The following PPP1R9B variants were observed in gnomAD, a reference collection of about 807,000 sequenced individuals.
PPP1R9B encodes protein phosphatase 1 regulatory subunit 9B, also known as neurabin-2.
In PPP1R9B, 17 loss-of-function variants were observed where a neutral mutation model predicts 75.8. The ratio of observed to expected loss-of-function variants is 0.22; its 90% CI spans 0.15 to 0.34. The LOEUF (loss-of-function observed/expected upper bound fraction) is 0.34, where lower values mean the gene tolerates loss of function less well. Ranked by LOEUF, PPP1R9B falls within the 10% of genes least tolerant of loss-of-function variation. PPP1R9B has a pLI of 1.00. For missense variants in PPP1R9B, 875 were observed against 1,196.0 expected (o/e 0.73, Z 3.96); for synonymous variants, 509 against 535.4 (o/e 0.95, Z 0.68).
rs746746917 is a variant in PPP1R9B at position 50,135,619 on chromosome 17, T to C, written c.2334A>G (p.Ala778=). ...CCGACTCCTCCAGAACCCGACGCTG[T>C]GCAGTCTCCTTTTTCAGGAACTCGA... ...KEIEFLKKET[A]QRRVLEESEL... Residue 778 remains alanine, a synonymous_variant, in exon 9 of 10, where the codon GCA becomes GCG. Transcript: ENST00000612501. 10 of 1,610,344 alleles carry C rather than the reference T, an allele frequency of 6.2e-6. No individual in the cohort carries two copies. The Admixed American group carries it at 8.4e-5, about 14-fold the overall frequency.
chr17:50,147,573 G>T (rs1912547715), intron 1 of PPP1R9B, among the ~76,000 whole-genome samples: 1 of 152,026 alleles, frequency 6.6e-6, no homozygotes, highest in Non-Finnish European at 1.5e-5. Context: ...AAAAATCAGG[G>T]TAAGGCGTCA....
Position 50,144,468 on chromosome 17 carries a change from G to C in PPP1R9B, c.1504+645C>G, listed in dbSNP as rs147635397. On this transcript the variant is annotated intron_variant, in intron 2 of 9. Transcript: ENST00000612501. The stretch of plus-strand genomic sequence containing the variant: ...ATCACAGCCTGGTGTGGTCTTTCTA[G>C]ACCTTTCCTGTGCTTCGAAATGGCT... Among the ~76,000 whole-genome samples, 105 of 152,270 alleles carry C rather than the reference G, an allele frequency of 6.9e-4. 1 individual carries two copies. The highest frequency in any genetic ancestry group is 2.5e-3 in the African/African-American group (103 of 41,534).
chr17:50,149,951 C>G lies in PPP1R9B; in HGVS notation c.563G>C (p.Arg188Pro), dbSNP rs757823729. 2.6e-6 allele frequency: 4 copies of G among 1,514,542 alleles called. No individual in the cohort carries two copies. The African/African-American group carries it at 4.3e-5, about 16-fold the overall frequency. The allele number at this position is 1,514,542 out of a possible 1,614,324, so 93.8% of individuals were successfully genotyped here. A position where few individuals can be genotyped will look rare whatever the true frequency, so the allele number is the denominator to read the frequency against. Residue 188 changes from arginine (R) to proline (P), a missense_variant, in exon 1 of 10, where the codon CGC becomes CCC. Arg to Pro is a moderately radical substitution (Grantham distance 103). This residue lies in a region of PPP1R9B where 449 missense variants were observed against 475.0 expected (regional missense o/e 0.95). Transcript: ENST00000612501. The surrounding 1 kb of genome is among the most constrained non-coding windows in gnomAD (Gnocchi z 7.2). ...LQDRKLDVVVRFNGSTEALDK... is the reference protein window; with the variant it reads ...LQDRKLDVVVPFNGSTEALDK... ...CAGCGCCTCGGTGCTGCCGTTGAAG[C>G]GCACCACGACGTCCAGCTTCCGGTC...
rs1210750776 is a variant in PPP1R9B at position 50,149,210 on chromosome 17, G to A, written c.1304C>T (p.Pro435Leu). The change falls in exon 1 of 10, where the codon CCG becomes CTG. Residue 435 changes from proline to leucine, a missense_variant. Pro to Leu is a moderately conservative substitution (Grantham distance 98). Coordinates refer to ENST00000612501, the MANE Select transcript of PPP1R9B (RefSeq NM_032595.5). This position sits in a 1 kb window ranked among gnomAD's most constrained non-coding sequence, Gnocchi z 7.2. ...TGGGTCCTCCTCCTCCGACAGCCCC[G>A]GGATCTCCACGCACCCCGACTCGGG... ...YEPESGCVEIPGLSEEEDPAP... is the reference protein window; with the variant it reads ...YEPESGCVEILGLSEEEDPAP... The A allele has an allele frequency of 6.2e-7, 1 of 1,603,374 alleles. No homozygotes were observed. Among genetic ancestry groups the A allele is most frequent in the East Asian group, 2.3e-5 (1 of 44,232 alleles).
chr17:50,141,868 C>G (rs866732420), intron 3 of PPP1R9B, among the ~76,000 whole-genome samples: 1 of 152,134 alleles, frequency 6.6e-6, no homozygotes, highest in Non-Finnish European at 1.5e-5. Flanking sequence ...CCAGGAGACG[C>G]GGCAGGCACA....
chr17:50,149,044 G>A lies in PPP1R9B; in HGVS notation c.1371+99C>T. Reference sequence around the variant, plus strand: ...GGAAGGGGGCTGGGTGGCAGGGGCTGACTCAGCCTGCCAAACCCGGCTGGC... The same window carrying A: ...GGAAGGGGGCTGGGTGGCAGGGGCTAACTCAGCCTGCCAAACCCGGCTGGC... On this transcript the variant is annotated intron_variant, in intron 1 of 9. Coordinates refer to ENST00000612501, the MANE Select transcript of PPP1R9B (RefSeq NM_032595.5). This position sits in a 1 kb window ranked among gnomAD's most constrained non-coding sequence, Gnocchi z 7.2. 1 of 880,432 alleles carries A rather than the reference G, an allele frequency of 1.1e-6. No homozygotes were observed. The highest frequency in any genetic ancestry group is 1.6e-6 in the Non-Finnish European group (1 of 623,118). The allele number at this position is 880,432 out of a possible 1,614,324, so 54.5% of individuals were successfully genotyped here.
chr17:50,150,461 G>A lies in PPP1R9B; in HGVS notation c.53C>T (p.Pro18Leu). ...GCCCGCCTCGTAGGCGCTGCGGTGC[G>A]GGGAGGCGCTCCGGAGGGGACCCCC... ...GPGGPLRSASPHRSAYEAGIQ... is the reference protein window; with the variant it reads ...GPGGPLRSASLHRSAYEAGIQ... The change falls in exon 1 of 10, where the codon CCG becomes CTG. Residue 18 changes from proline to leucine, a missense_variant. This residue lies in a region of PPP1R9B where 145 missense variants were observed against 226.1 expected (regional missense o/e 0.64). Transcript: ENST00000612501. The surrounding 1 kb of genome is among the most constrained non-coding windows in gnomAD (Gnocchi z 8.7). The A allele has an allele frequency of 7.2e-7, 1 of 1,388,002 alleles. No individual in the cohort carries two copies. Among genetic ancestry groups the A allele is most frequent in the South Asian group, 1.6e-5 (1 of 62,606 alleles). The allele number at this position is 1,388,002 out of a possible 1,614,324, so 86.0% of individuals were successfully genotyped here.
At chr17:50,144,810 G>A (rs1288011721) in intron 2 of PPP1R9B, among the ~76,000 whole-genome samples, 2 of 152,152 alleles carry the variant, frequency 1.3e-5, no homozygotes. Context: ...GCCCACCACT[G>A]TGTCCCCAAC....
In PPP1R9B at chr17:50,139,368, G is replaced by C; in HGVS notation, c.2020-52C>G. ...GCTCCAGCAGGGTGGGGCAGGCAGT[G>C]CCAAGGGCAGGAGACCTGCCTGCCT... On this transcript the variant is annotated intron_variant, in intron 6 of 9. Transcript: ENST00000612501. The surrounding 1 kb of genome is among the most constrained non-coding windows in gnomAD (Gnocchi z 5.0). 6.2e-7 allele frequency: 1 copy of C among 1,613,676 alleles called. No homozygotes were observed. The highest frequency in any genetic ancestry group is 8.5e-7 in the Non-Finnish European group (1 of 1,179,808).
At chr17:50,148,060 G>C (rs1020852055) in intron 1 of PPP1R9B, among the ~76,000 whole-genome samples, 2 of 152,138 alleles carry the variant, frequency 1.3e-5, no homozygotes, top group Non-Finnish European at 2.9e-5. Flanking sequence ...GCCTGGGGCG[G>C]TGAGGAAGAA....
rs60714202 is a variant in PPP1R9B, at chr17:50,143,279, C to T, written c.1625+319G>A. Reference sequence around the variant, plus strand: ...AAAAAAGCTCAAATATACTCCATGCCTGTCTTCTCCCTACCAGGGCCCAAA... The same window carrying T: ...AAAAAAGCTCAAATATACTCCATGCTTGTCTTCTCCCTACCAGGGCCCAAA... On this transcript the variant is annotated intron_variant, in intron 3 of 9. Transcript: ENST00000612501. Among the ~76,000 whole-genome samples, 158 of 152,282 alleles carry T rather than the reference C, an allele frequency of 1.0e-3. 1 individual carries two copies. Among genetic ancestry groups the T allele is most frequent in the African/African-American group, 3.7e-3 (152 of 41,558 alleles).
At position 50,149,062 on chromosome 17, in the gene PPP1R9B, C is replaced by T. The variant is rs1446074716; in HGVS notation, c.1371+81G>A. The stretch of plus-strand genomic sequence containing the variant: ...AGGGGCTGACTCAGCCTGCCAAACC[C>T]GGCTGGCTGGCTGGCGAGCGGGGGC... On this transcript the variant is annotated intron_variant, in intron 1 of 9. Transcript: ENST00000612501. The surrounding 1 kb of genome is among the most constrained non-coding windows in gnomAD (Gnocchi z 7.2). 1.9e-6 allele frequency: 2 copies of T among 1,042,964 alleles called. No homozygotes were observed. Among genetic ancestry groups the T allele is most frequent in the African/African-American group, 2.6e-5 (1 of 38,980 alleles). 64.6% of individuals were successfully genotyped at this position (1,042,964 alleles called of 1,614,324 possible).
At chr17:50,146,314 C>T (rs1365101133) in intron 1 of PPP1R9B, 7 of 152,126 alleles carry the variant, frequency 4.6e-5, no homozygotes, top group African/African-American at 1.7e-4. Context: ...CAAGCTTCAT[C>T]GCCTGCAGTG....
At chr17:50,145,334 C>A in intron 1 of PPP1R9B, 89 bp from the exon 2 acceptor site, 3 of 1,510,570 alleles carry the variant, frequency 2.0e-6, no homozygotes, top group Non-Finnish European at 1.8e-6. Context: ...GCTGAGTTAC[C>A]CACCCCATGC....
At chr17:50,144,982 G>T in intron 2 of PPP1R9B, 131 bp downstream of exon 2, 1 of 1,171,310 alleles carries the variant, frequency 8.5e-7, no homozygotes, top group Non-Finnish European at 1.2e-6. Flanking sequence ...GTCACCAAGG[G>T]CCTGAGTCAG....
At position 50,149,088 on chromosome 17, in the gene PPP1R9B, G is replaced by C; in HGVS notation, c.1371+55C>G. ...GGCTGGCTGGCTGGCGAGCGGGGGC[G>C]GCCGCGTGCACGTGGCAGGGGCGGC... On this transcript the variant is annotated intron_variant, in intron 1 of 9. Transcript: ENST00000612501. This position sits in a 1 kb window ranked among gnomAD's most constrained non-coding sequence, Gnocchi z 7.2. The C allele has an allele frequency of 7.8e-7, 1 of 1,275,282 alleles. No individual in the cohort carries two copies. Among genetic ancestry groups the C allele is most frequent in the Non-Finnish European group, 1.0e-6 (1 of 979,754 alleles). The allele number at this position is 1,275,282 out of a possible 1,614,324, so 79.0% of individuals were successfully genotyped here.
chr17:50,144,203 T>A (rs1289284725), intron 2 of PPP1R9B, among the ~76,000 whole-genome samples: 7 of 152,068 alleles, frequency 4.6e-5, no homozygotes, highest in Non-Finnish European at 1.0e-4. Flanking sequence ...ATGTCCCAAC[T>A]AATGACCTTC....
chr17:50,150,565 C>A lies in PPP1R9B; in HGVS notation c.-52G>T, dbSNP rs1912670698. On this transcript the variant is annotated 5_prime_UTR_variant, in exon 1 of 10. Transcript: ENST00000612501. This position sits in a 1 kb window ranked among gnomAD's most constrained non-coding sequence, Gnocchi z 8.7. ...CCTGCTCCCCGCTCCCCCGCTTCAACAGGCGGCTGGCCAAGTCGGGACCAC... is the reference window on the plus strand; with the variant it reads ...CCTGCTCCCCGCTCCCCCGCTTCAAAAGGCGGCTGGCCAAGTCGGGACCAC... 8.7e-6 allele frequency: 11 copies of A among 1,260,330 alleles called. No individual in the cohort carries two copies. The highest frequency in any genetic ancestry group is 1.1e-5 in the Non-Finnish European group (11 of 1,002,786). The allele number at this position is 1,260,330 out of a possible 1,614,324, so 78.1% of individuals were successfully genotyped here.
rs761525028 is a variant in PPP1R9B, at chr17:50,150,304, G to T, written c.210C>A (p.Pro70=). The change falls in exon 1 of 10, where the codon CCC becomes CCA. Residue 70 remains proline, a synonymous_variant. Coordinates refer to ENST00000612501, the MANE Select transcript of PPP1R9B (RefSeq NM_032595.5). This position sits in a 1 kb window ranked among gnomAD's most constrained non-coding sequence, Gnocchi z 8.7. ...MFLQMGTTAG[P]SGEAGGGAGL... ...CCGCGCCGCCGCCCGCCTCGCCCGAGGGCCCCGCCGTCGTGCCCATCTGCA... is the reference window on the plus strand; with the variant it reads ...CCGCGCCGCCGCCCGCCTCGCCCGATGGCCCCGCCGTCGTGCCCATCTGCA... 1.4e-6 allele frequency: 2 copies of T among 1,429,500 alleles called. No individual in the cohort carries two copies. Among genetic ancestry groups the T allele is most frequent in the South Asian group, 2.8e-5 (2 of 70,182 alleles). The allele number at this position is 1,429,500 out of a possible 1,614,324, so 88.6% of individuals were successfully genotyped here. A position where few individuals can be genotyped will look rare whatever the true frequency, so the allele number is the denominator to read the frequency against.
Sources: allele counts gnomAD v4.1 joint callset (sites outside exome capture counted in the v4.1 genomes callset), GRCh38; gene constraint gnomAD v4.1.1; regional missense constraint gnomAD v4.1.1; non-coding constraint Gnocchi (gnomAD v3.1); transcripts MANE v1.5; gene names NCBI Gene and HGNC (gene_info 2026-07-23, HGNC 2026-07-21).